Variants in ZEB1 observed in about 807,000 individuals in gnomAD.
The protein encoded by ZEB1 is zinc finger E-box binding homeobox 1.
In ZEB1, 21 loss-of-function variants were observed where a neutral mutation model predicts 84.9. The ratio of observed to expected loss-of-function variants is 0.25; its 90% CI spans 0.18 to 0.36. The LOEUF (loss-of-function observed/expected upper bound fraction) is 0.36, where lower values mean the gene tolerates loss of function less well. ZEB1 is among the 10% of genes least tolerant of loss of function. The probability of loss-of-function intolerance (pLI) is 1.00; values close to 1 mark genes in which losing one functional copy is unlikely to be tolerated. For synonymous variants in ZEB1, 420 were observed against 471.1 expected (o/e 0.89, Z 1.41); for missense variants, 1,104 against 1,330.2 (o/e 0.83, Z 2.65).
At chr10:31,347,257 C>T (rs1479367771) in intron 1 of ZEB1, among the ~76,000 whole-genome samples, 1 of 152,184 alleles carries the variant, frequency 6.6e-6, no homozygotes, top group Non-Finnish European at 1.5e-5. Flanking sequence ...TAACTGCCAC[C>T]TGTTTAAAAT....
chr10:31,319,430 T>G, intron 1 of ZEB1, 138 bp downstream of exon 1: 1 of 793,780 alleles, frequency 1.3e-6, no homozygotes, highest in Non-Finnish European at 2.1e-6. Context: ...AAGTAGAAAG[T>G]AGTGCTCTCT....
chr10:31,420,980 A>T (rs926929375), intron 1 of ZEB1, among the ~76,000 whole-genome samples: 2 of 152,156 alleles, frequency 1.3e-5, no homozygotes, highest in Non-Finnish European at 2.9e-5. Context: ...GCTGAGGACC[A>T]ATTTTCTTGT....
chr10:31,442,291 A>G (rs1234183213), intron 1 of ZEB1, among the ~76,000 whole-genome samples: 1 of 152,188 alleles, frequency 6.6e-6, no homozygotes, highest in Non-Finnish European at 1.5e-5. Flanking sequence ...CATCATTCTC[A>G]GCAAACTATC....
chr10:31,338,124 T>C (rs2038575086), intron 1 of ZEB1, among the ~76,000 whole-genome samples: 1 of 152,252 alleles, frequency 6.6e-6, no homozygotes, highest in African/African-American at 2.4e-5. Flanking sequence ...ATTTTCTGTT[T>C]ATTGACCACC....
At chr10:31,489,509 A>G (rs1369842040) in intron 2 of ZEB1, among the ~76,000 whole-genome samples, 1 of 150,992 alleles carries the variant, frequency 6.6e-6, no homozygotes, top group African/African-American at 2.4e-5. Flanking sequence ...TTATCATTTT[A>G]TTATTTGTTT....
Position 31,520,551 on chromosome 10 carries a change from A to C in ZEB1, c.1219A>C (p.Ser407Arg), listed in dbSNP as rs2072095096. 6.2e-7 allele frequency: 1 copy of C among 1,613,862 alleles called. No homozygotes were observed. Among genetic ancestry groups the C allele is most frequent in the South Asian group, 1.1e-5 (1 of 91,086 alleles). The change falls in exon 7 of 9, where the codon AGT becomes CGT. Residue 407 changes from serine (S) to arginine (R), a missense_variant. Physicochemically the swap from Ser to Arg is moderately radical, Grantham distance 110. This residue lies in a region of ZEB1 where 111 missense variants were observed against 161.8 expected (regional missense o/e 0.69). Transcript: ENST00000424869. The surrounding 1 kb of genome is among the most constrained non-coding windows in gnomAD (Gnocchi z 5.1). The part of the protein sequence containing the change: ...LPTVGLVSPI[S>R]INLSDIQNVL... ...AACAGTTGGTTTGGTGTCTCCCATAAGTATCAATTTAAGTGATATTCAGAA... is the reference window on the plus strand; with the variant it reads ...AACAGTTGGTTTGGTGTCTCCCATACGTATCAATTTAAGTGATATTCAGAA...
chr10:31,461,713 C>G (rs902757018), intron 2 of ZEB1, among the ~76,000 whole-genome samples: 7 of 152,040 alleles, frequency 4.6e-5, no homozygotes, highest in Admixed American at 4.6e-4. Context: ...TAAATTTTTA[C>G]TTTTACTCAA....
chr10:31,421,519 G>A (rs1315810561), intron 1 of ZEB1, among the ~76,000 whole-genome samples: 3 of 152,114 alleles, frequency 2.0e-5, no homozygotes, highest in Non-Finnish European at 2.9e-5. Flanking sequence ...ATAGCTTGGT[G>A]GAATTTGCAT....
At chr10:31,493,724 C>T (rs913585020) in intron 2 of ZEB1, among the ~76,000 whole-genome samples, 4 of 151,886 alleles carry the variant, frequency 2.6e-5, no homozygotes, top group African/African-American at 9.7e-5. Context: ...TGCTAAAGGC[C>T]AACATTAGGA....
chr10:31,452,732 TGTGTGTGTGTGAGAGA>T (rs1357131249), intron 1 of ZEB1, among the ~76,000 whole-genome samples: 3 of 111,826 alleles, frequency 2.7e-5, no homozygotes, highest in African/African-American at 1.6e-4. Flanking sequence ...TGTGTGTGTG[TGTGTGTGTGTGAGAGA>T]GAGAGAGAGA....
intron 1 of ZEB1, among the ~76,000 whole-genome samples, chr10:31,354,869 A>T (rs1233411021): frequency 6.6e-6 from 1 of 152,188 alleles, no homozygotes; most frequent in African/African-American, 2.4e-5. Context: ...TAATTTAGGG[A>T]TTTCAAATTA....
chr10:31,385,414 A>G (rs1254021376), intron 1 of ZEB1, among the ~76,000 whole-genome samples: 1 of 152,096 alleles, frequency 6.6e-6, no homozygotes, highest in Non-Finnish European at 1.5e-5. Context: ...CTGGCCTTAC[A>G]TGTTAGATTT....
At chr10:31,349,289 C>G (rs1005700544) in intron 1 of ZEB1, among the ~76,000 whole-genome samples, 1 of 152,294 alleles carries the variant, frequency 6.6e-6, no homozygotes, top group Middle Eastern at 3.4e-3. Context: ...CTGTTGTGTG[C>G]GTATACTACA....
At chr10:31,415,708 G>A (rs2055107526) in intron 1 of ZEB1, among the ~76,000 whole-genome samples, 1 of 151,998 alleles carries the variant, frequency 6.6e-6, no homozygotes, top group Non-Finnish European at 1.5e-5. Flanking sequence ...AACTTCATTT[G>A]AAAGCAAAAT....
chr10:31,424,444 A>G (rs2056663931), intron 1 of ZEB1, among the ~76,000 whole-genome samples: 1 of 152,056 alleles, frequency 6.6e-6, no homozygotes, highest in South Asian at 2.1e-4. Flanking sequence ...GAATCTACAT[A>G]TAGTGCATAC....
At chr10:31,374,618 G>A (rs2046281155) in intron 1 of ZEB1, among the ~76,000 whole-genome samples, 1 of 151,704 alleles carries the variant, frequency 6.6e-6, no homozygotes, top group Non-Finnish European at 1.5e-5. Flanking sequence ...TATAAGGGTA[G>A]GAACAATAAA....
intron 1 of ZEB1, among the ~76,000 whole-genome samples, chr10:31,346,640 C>G (rs1248397158): frequency 1.3e-5 from 2 of 151,720 alleles, no homozygotes; most frequent in Non-Finnish European, 2.9e-5. Flanking sequence ...AAGAGCAGAC[C>G]ACTTGATGAA....
chr10:31,400,500 A>G lies in ZEB1; in HGVS notation c.59-60537A>G, dbSNP rs139793637. ...GCTTTGACCATTTATTCTATTTTTA[A>G]AGTGTGGAATACTAAAAAAAAATAT... On this transcript the variant is annotated intron_variant, in intron 1 of 8. Coordinates refer to ENST00000424869, the MANE Select transcript of ZEB1 (RefSeq NM_001174096.2). Among the ~76,000 whole-genome samples, 1,068 of 152,118 alleles carry G rather than the reference A, an allele frequency of 7.0e-3. 12 individuals carry two copies. Among genetic ancestry groups the G allele is most frequent in the African/African-American group, 0.023 (974 of 41,458 alleles).
Position 31,476,870 on chromosome 10 carries a change from GTTAAAAACCC to G in ZEB1, c.259+15635_259+15644del, listed in dbSNP as rs1565041287. Among the ~76,000 whole-genome samples the G allele has an allele frequency of 5.3e-5, 8 of 152,132 alleles. No homozygotes were observed. In the South Asian group the frequency reaches 1.7e-3, roughly 32 times the overall value. ...TTGGTAAAATTCAATGTCACTTCATGTTAAAAACCCTCAAAAACTAGGCATTGAAGGAACG... is the reference window on the plus strand; with the variant it reads ...TTGGTAAAATTCAATGTCACTTCATGTCAAAAACTAGGCATTGAAGGAACG... On this transcript the variant is annotated intron_variant, in intron 2 of 8. Transcript: ENST00000424869.
Sources: allele counts gnomAD v4.1 joint callset (sites outside exome capture counted in the v4.1 genomes callset), GRCh38; gene constraint gnomAD v4.1.1; regional missense constraint gnomAD v4.1.1; non-coding constraint Gnocchi (gnomAD v3.1); transcripts MANE v1.5; gene names NCBI Gene and HGNC (gene_info 2026-07-23, HGNC 2026-07-21).